The following PHF21A variants were observed in gnomAD, a reference collection of about 807,000 sequenced individuals.
PHF21A encodes the protein BHC80a.
In PHF21A, 11 loss-of-function variants were observed where a neutral mutation model predicts 82.5. That is an observed-to-expected ratio of 0.13 (90% CI 0.08 to 0.22). The LOEUF (loss-of-function observed/expected upper bound fraction) is 0.22. Ranked by LOEUF, PHF21A falls within the 10% of genes least tolerant of loss-of-function variation. PHF21A has a pLI of 1.00. For missense variants in PHF21A, 579 were observed against 837.8 expected, an observed-to-expected ratio of 0.69 and a Z score of 3.81; for synonymous variants, 297 against 302.8, an observed-to-expected ratio of 0.98 and a Z score of 0.20.
chr11:46,060,188 G>A (rs1006844422), intron 6 of PHF21A, among the ~76,000 whole-genome samples: 3 of 151,998 alleles, frequency 2.0e-5, no homozygotes, highest in African/African-American at 4.8e-5. Context: ...AACATGGATG[G>A]GGTCTTGCTA....
chr11:46,051,108 T>C (rs993534271), intron 6 of PHF21A, among the ~76,000 whole-genome samples: 2 of 152,206 alleles, frequency 1.3e-5, no homozygotes, highest in African/African-American at 4.8e-5. Flanking sequence ...GCATAGTTAG[T>C]CTCTCTGAGG....
chr11:45,998,607 G>A (rs1408600252), intron 6 of PHF21A, among the ~76,000 whole-genome samples: 1 of 151,738 alleles, frequency 6.6e-6, no homozygotes, highest in African/African-American at 2.4e-5. Flanking sequence ...CCACCTCCCA[G>A]GTTCAAGTGA....
In PHF21A at chr11:46,017,217, C is replaced by T. The variant is rs542350485; in HGVS notation, c.154-37251G>A. 2.6e-5 allele frequency among the ~76,000 whole-genome samples: 4 copies of T among 152,230 alleles called. No individual in the cohort carries two copies. In the East Asian group the frequency reaches 5.8e-4, roughly 22 times the overall value. On this transcript the variant is annotated intron_variant, in intron 6 of 18. Coordinates refer to ENST00000676320, the MANE Select transcript of PHF21A (RefSeq NM_001352027.3). Reference sequence around the variant, plus strand: ...AACTCCCGACCTCAGGTGATCCGCTCGCCTCAGCCTCCCAGAGTGCTGGGA... The same window carrying T: ...AACTCCCGACCTCAGGTGATCCGCTTGCCTCAGCCTCCCAGAGTGCTGGGA...
At chr11:46,047,951 A>G (rs1009155644) in intron 6 of PHF21A, among the ~76,000 whole-genome samples, 3 of 152,266 alleles carry the variant, frequency 2.0e-5, no homozygotes, top group Non-Finnish European at 4.4e-5. Context: ...CCCTGAGACC[A>G]AATGAAATAT....
chr11:45,935,315 C>G, intron 18 of PHF21A: 1 of 1,210,546 alleles, frequency 8.3e-7, no homozygotes. Flanking sequence ...TACACTCCCC[C>G]CACACACTGT....
chr11:46,093,995 C>T (rs1295189764), intron 1 of PHF21A, among the ~76,000 whole-genome samples: 1 of 152,044 alleles, frequency 6.6e-6, no homozygotes, highest in Non-Finnish European at 1.5e-5. Flanking sequence ...CAAAAAAACA[C>T]CATTAAGAAA....
intron 6 of PHF21A, among the ~76,000 whole-genome samples, chr11:46,025,536 C>A (rs2095723944): frequency 1.3e-5 from 2 of 152,114 alleles, no homozygotes; most frequent in Non-Finnish European, 2.9e-5. Flanking sequence ...AATTCCTTTA[C>A]CTGAGAAGAA....
At chr11:46,111,162 C>T (rs1008972634) in intron 1 of PHF21A, among the ~76,000 whole-genome samples, 1 of 148,944 alleles carries the variant, frequency 6.7e-6, no homozygotes, top group African/African-American at 2.5e-5. Context: ...GCTATATAAA[C>T]AAGTACTTTA....
At chr11:46,046,760 C>A (rs910607883) in intron 6 of PHF21A, among the ~76,000 whole-genome samples, 4 of 151,900 alleles carry the variant, frequency 2.6e-5, no homozygotes, top group Non-Finnish European at 5.9e-5. Context: ...ACTATAAAAC[C>A]CAACAACATA....
chr11:46,062,781 A>G (rs1329927072), intron 6 of PHF21A, among the ~76,000 whole-genome samples: 1 of 152,220 alleles, frequency 6.6e-6, no homozygotes, highest in Admixed American at 6.5e-5. Context: ...AAAAGTTAAA[A>G]ACACACCTAC....
At chr11:46,083,366 C>T (rs2096817724) in intron 4 of PHF21A, among the ~76,000 whole-genome samples, 1 of 152,130 alleles carries the variant, frequency 6.6e-6, no homozygotes, top group Non-Finnish European at 1.5e-5. Flanking sequence ...TACCAAAGGC[C>T]CAAGATATTC....
chr11:45,932,697 T>G lies in PHF21A; in HGVS notation c.*1271A>C, dbSNP rs2087778294. On this transcript the variant is annotated 3_prime_UTR_variant, in exon 19 of 19. Transcript: ENST00000676320. This position sits in a 1 kb window ranked among gnomAD's most constrained non-coding sequence, Gnocchi z 4.3. ...ACTAGGAAGACCTCAATATCTTTTATTTTCCTTTTTAATTTAAAAAAAAGT... is the reference window on the plus strand; with the variant it reads ...ACTAGGAAGACCTCAATATCTTTTAGTTTCCTTTTTAATTTAAAAAAAAGT... 1 of 152,618 alleles carries G rather than the reference T, an allele frequency of 6.6e-6. No individual in the cohort carries two copies. The highest frequency in any genetic ancestry group is 6.5e-5 in the Admixed American group (1 of 15,284). 9.5% of individuals were successfully genotyped at this position (152,618 alleles called of 1,614,324 possible).
chr11:45,996,789 G>A (rs1248901048), intron 6 of PHF21A, among the ~76,000 whole-genome samples: 2 of 152,208 alleles, frequency 1.3e-5, no homozygotes, highest in African/African-American at 4.8e-5. Flanking sequence ...AGCCTTCACA[G>A]CAACTCAGAA....
intron 1 of PHF21A, among the ~76,000 whole-genome samples, chr11:46,102,136 G>A (rs1021616102): frequency 4.6e-5 from 7 of 151,202 alleles, no homozygotes; most frequent in African/African-American, 9.7e-5. Flanking sequence ...GATTACAGGC[G>A]CGAGCCACCA....
intron 6 of PHF21A, among the ~76,000 whole-genome samples, chr11:46,069,574 A>G (rs1408272439): frequency 6.6e-6 from 1 of 152,188 alleles, no homozygotes; most frequent in Non-Finnish European, 1.5e-5. Flanking sequence ...ATTTGACTCC[A>G]AGGTAATGAA....
intron 6 of PHF21A, among the ~76,000 whole-genome samples, chr11:45,999,391 A>G (rs1418674876): frequency 1.3e-5 from 2 of 152,214 alleles, no homozygotes; most frequent in African/African-American, 4.8e-5. Flanking sequence ...CTAGTGGTTG[A>G]TTATAGGTCT....
At chr11:46,081,310 T>C (rs1453292201) in intron 4 of PHF21A, among the ~76,000 whole-genome samples, 1 of 152,160 alleles carries the variant, frequency 6.6e-6, no homozygotes, top group Non-Finnish European at 1.5e-5. Context: ...ACAATACATA[T>C]TCCAAGAGTT....
chr11:46,029,857 A>G lies in PHF21A; in HGVS notation c.153+46897T>C, dbSNP rs147500718. The stretch of plus-strand genomic sequence containing the variant: ...CACCTGCAGTTATACAGTAAAAATA[A>G]TAACAAAGGCATAGAAGAAGATAAG... On this transcript the variant is annotated intron_variant, in intron 6 of 18. Transcript: ENST00000676320. Among the ~76,000 whole-genome samples the G allele has an allele frequency of 7.4e-4, 113 of 152,350 alleles. 2 individuals carry two copies. The East Asian group carries it at 0.021, about 29-fold the overall frequency.
rs554747761 is a variant in PHF21A, at chr11:45,958,016, T to C, written c.997-4391A>G. Among the ~76,000 whole-genome samples, 10 of 151,848 alleles carry C rather than the reference T, an allele frequency of 6.6e-5. No individual in the cohort carries two copies. The East Asian group carries it at 1.2e-3, about 18-fold the overall frequency. ...CTGTACGCCAACAAACTAGACAACA[T>C]AGATGCAATGGAAAACTCCTAAAAA... On this transcript the variant is annotated intron_variant, in intron 10 of 18. Coordinates refer to ENST00000676320, the MANE Select transcript of PHF21A (RefSeq NM_001352027.3).
Sources: allele counts gnomAD v4.1 joint callset (sites outside exome capture counted in the v4.1 genomes callset), GRCh38; gene constraint gnomAD v4.1.1; non-coding constraint Gnocchi (gnomAD v3.1); transcripts MANE v1.5; gene names NCBI Gene and HGNC (gene_info 2026-07-23, HGNC 2026-07-21).